PRKCB: variants seen among roughly 807,000 people sequenced by gnomAD.
The protein encoded by PRKCB is protein kinase C beta type.
PRKCB carries 13 observed loss-of-function variants against 81.5 expected under a neutral mutation model. The ratio of observed to expected loss-of-function variants is 0.16; its 90% CI spans 0.10 to 0.25. The LOEUF is 0.25. Ranked by LOEUF, PRKCB falls within the 10% of genes least tolerant of loss-of-function variation. PRKCB has a pLI of 1.00. For synonymous variants in PRKCB, 335 were observed against 321.4 expected (o/e 1.04, Z -0.45); for missense variants, 509 against 875.7 (o/e 0.58, Z 5.29).
Position 24,218,540 on chromosome 16 carries a change from C to G in PRKCB, c.*3724C>G. 1.0e-6 allele frequency: 1 copy of G among 985,366 alleles called. No homozygotes were observed. Among genetic ancestry groups the G allele is most frequent in the Non-Finnish European group, 1.2e-6 (1 of 829,918 alleles). 61.0% of individuals were successfully genotyped at this position (985,366 alleles called of 1,614,324 possible). A position where few individuals can be genotyped will look rare whatever the true frequency, so the allele number is the denominator to read the frequency against. On this transcript the variant is annotated 3_prime_UTR_variant, in exon 17 of 17. Transcript: ENST00000643927. ...CTCCCACACCCTCACATAGACTTGG[C>G]AAGAGTAAGGAGGGAACTCCATAGA...
At chr16:23,990,508 A>C (rs907404296) in intron 3 of PRKCB, among the ~76,000 whole-genome samples, 2 of 138,962 alleles carry the variant, frequency 1.4e-5, no homozygotes, top group African/African-American at 5.3e-5. Context: ...TTTTTTTTTT[A>C]AGCAAAGTCT....
At chr16:23,850,339 A>G (rs544363523) in intron 2 of PRKCB, among the ~76,000 whole-genome samples, 1 of 150,086 alleles carries the variant, frequency 6.7e-6, no homozygotes, top group South Asian at 2.1e-4. Flanking sequence ...TATGCCCAGA[A>G]GTGGGATTAC....
intron 2 of PRKCB, among the ~76,000 whole-genome samples, chr16:23,883,120 A>G (rs895411328): frequency 2.6e-5 from 4 of 152,144 alleles, no homozygotes; most frequent in African/African-American, 9.7e-5. Flanking sequence ...TGGAGCTGAT[A>G]TTCAGCAAGA....
chr16:23,877,544 A>G (rs891635054), intron 2 of PRKCB, among the ~76,000 whole-genome samples: 4 of 152,098 alleles, frequency 2.6e-5, no homozygotes, highest in Admixed American at 6.5e-5. Flanking sequence ...GTCGGCCTCA[A>G]CCTGAAGCCA....
intron 2 of PRKCB, among the ~76,000 whole-genome samples, chr16:23,964,930 A>G (rs1014274914): frequency 9.9e-5 from 15 of 152,130 alleles, no homozygotes; most frequent in African/African-American, 3.6e-4. Context: ...TTGGCCTCCC[A>G]AAGTGCTGGG....
chr16:23,894,733 G>A (rs1963348661), intron 2 of PRKCB, among the ~76,000 whole-genome samples: 1 of 152,094 alleles, frequency 6.6e-6, no homozygotes, highest in Admixed American at 6.6e-5. Flanking sequence ...AAAACCTGAA[G>A]CAATGTGGTA....
At chr16:23,950,966 C>T (rs887401210) in intron 2 of PRKCB, among the ~76,000 whole-genome samples, 1 of 152,214 alleles carries the variant, frequency 6.6e-6, no homozygotes, top group East Asian at 1.9e-4. Flanking sequence ...AGCAAGCCCT[C>T]TTCCCGCCTT....
At chr16:23,986,002 T>C (rs1462272491) in intron 2 of PRKCB, among the ~76,000 whole-genome samples, 1 of 152,140 alleles carries the variant, frequency 6.6e-6, no homozygotes, top group East Asian at 1.9e-4. Flanking sequence ...GGACAATTGG[T>C]TACCTCTTTG....
intron 2 of PRKCB, among the ~76,000 whole-genome samples, chr16:23,922,655 A>G (rs752150688): frequency 1.3e-5 from 2 of 152,230 alleles, no homozygotes; most frequent in African/African-American, 2.4e-5. Context: ...CAGAAACTTC[A>G]GTTACATTTT....
chr16:24,209,568 A>G (rs1466538464), intron 16 of PRKCB, among the ~76,000 whole-genome samples: 1 of 152,136 alleles, frequency 6.6e-6, no homozygotes, highest in Non-Finnish European at 1.5e-5. Context: ...AGGGTCACCA[A>G]CAATGCCTCT....
intron 5 of PRKCB, among the ~76,000 whole-genome samples, chr16:24,082,615 G>C (rs7204329): frequency 6.6e-6 from 1 of 152,030 alleles, no homozygotes; most frequent in African/African-American, 2.4e-5. Flanking sequence ...GAAAAAGGAC[G>C]GTCTTTCAAC....
At chr16:24,117,296 C>T (rs1028755494) in intron 8 of PRKCB, among the ~76,000 whole-genome samples, 4 of 152,154 alleles carry the variant, frequency 2.6e-5, no homozygotes, top group Non-Finnish European at 4.4e-5. Context: ...GTGAGCTTGG[C>T]GCAGTTACCA....
chr16:24,053,764 T>G (rs1330255358), intron 5 of PRKCB, among the ~76,000 whole-genome samples: 1 of 152,126 alleles, frequency 6.6e-6, no homozygotes, highest in African/African-American at 2.4e-5. Context: ...CCCTGTGGCA[T>G]GAGCATGTTC....
intron 5 of PRKCB, among the ~76,000 whole-genome samples, chr16:24,090,378 G>A (rs1345695403): frequency 1.3e-5 from 2 of 152,184 alleles, no homozygotes; most frequent in Non-Finnish European, 2.9e-5. Flanking sequence ...CTTACTAGCT[G>A]TATCATTTTA....
chr16:23,958,740 C>G (rs1481158474), intron 2 of PRKCB, among the ~76,000 whole-genome samples: 1 of 150,650 alleles, frequency 6.6e-6, no homozygotes. Flanking sequence ...CCTCCTCCCC[C>G]ACTCCCTTCC....
chr16:24,113,395 C>T (rs1256073980), intron 8 of PRKCB, among the ~76,000 whole-genome samples: 1 of 150,582 alleles, frequency 6.6e-6, no homozygotes, highest in African/African-American at 2.4e-5. Context: ...CTTCCTTCCT[C>T]TCTCTTTCTC....
intron 16 of PRKCB, among the ~76,000 whole-genome samples, chr16:24,196,423 C>T (rs1967880382): frequency 6.6e-6 from 1 of 152,216 alleles, no homozygotes; most frequent in Non-Finnish European, 1.5e-5. Context: ...TGCAAACTGT[C>T]ATGGCATCGT....
At chr16:23,988,629 T>C (rs1964832558) in intron 3 of PRKCB, 39 bp downstream of exon 3, 2 of 1,549,426 alleles carry the variant, frequency 1.3e-6, no homozygotes, top group African/African-American at 2.7e-5. Context: ...CTGTCCACAG[T>C]CAATGCTGCC....
At chr16:24,176,567 C>T (rs935952924) in intron 12 of PRKCB, among the ~76,000 whole-genome samples, 3 of 152,160 alleles carry the variant, frequency 2.0e-5, no homozygotes, top group Admixed American at 6.5e-5. Flanking sequence ...GTGACAACAT[C>T]TTTTTGTGCT....
Sources: allele counts gnomAD v4.1 joint callset (sites outside exome capture counted in the v4.1 genomes callset), GRCh38; gene constraint gnomAD v4.1.1; transcripts MANE v1.5; gene names NCBI Gene and HGNC (gene_info 2026-07-23, HGNC 2026-07-21).